Variants in PDE2A observed in about 807,000 individuals in gnomAD.
PDE2A encodes the protein phosphodiesterase 2A, also known as cGMP-dependent 3',5'-cyclic phosphodiesterase.
In PDE2A, 53 loss-of-function variants were observed where a neutral mutation model predicts 133.6. The ratio of observed to expected loss-of-function variants is 0.40; its 90% CI spans 0.32 to 0.50. PDE2A has a LOEUF of 0.50. Ranked by LOEUF, PDE2A falls within the 20% of genes least tolerant of loss-of-function variation. The pLI is 0.73. For synonymous variants in PDE2A, 491 were observed against 490.2 expected (o/e 1.00, Z -0.02); for missense variants, 796 against 1,232.4 (o/e 0.65, Z 5.30).
chr11:72,612,540 C>G (rs1253053606), intron 2 of PDE2A, among the ~76,000 whole-genome samples: 3 of 152,138 alleles, frequency 2.0e-5, no homozygotes, highest in African/African-American at 7.2e-5. Flanking sequence ...CTCTTCTGAG[C>G]CTCAGTTTTG....
intron 2 of PDE2A, among the ~76,000 whole-genome samples, chr11:72,634,271 G>A (rs1376981781): frequency 2.0e-5 from 3 of 152,152 alleles, no homozygotes; most frequent in African/African-American, 7.2e-5. Context: ...ATGGAGCCTT[G>A]TGGAGGACTG....
Position 72,578,132 on chromosome 11 carries a change from C to G in PDE2A, c.2615+101G>C, listed in dbSNP as rs379276. ...GAGGCAAGGGGATGAATCAGTTGGA[C>G]CTGGGCCAGGCCAATCTCAGCACCT... is the stretch of plus-strand genomic sequence containing the variant. On this transcript the variant is annotated intron_variant, in intron 30 of 30. Transcript: ENST00000334456. The surrounding 1 kb of genome is among the most constrained non-coding windows in gnomAD (Gnocchi z 4.2). 0.99 allele frequency: 777,077 copies of G among 781,844 alleles called. 386,286 individuals are homozygous for G. Among genetic ancestry groups the G allele is most frequent in the East Asian group, 1 (41,119 of 41,120 alleles). 48.4% of individuals were successfully genotyped at this position (781,844 alleles called of 1,614,324 possible).
At position 72,577,484 on chromosome 11, in the gene PDE2A, C is replaced by G; in HGVS notation, c.2726G>C (p.Ser909Thr). The G allele has an allele frequency of 6.2e-7, 1 of 1,613,926 alleles. No homozygotes were observed. Among genetic ancestry groups the G allele is most frequent in the Non-Finnish European group, 8.5e-7 (1 of 1,180,010 alleles). The change falls in exon 31 of 31, where the codon AGT (serine) becomes ACT (threonine). Residue 909 changes from serine (S) to threonine (T), a missense_variant. Transcript: ENST00000334456. ...ATCCAGGAAGTCCAGCGAGTTGTTA[C>G]TTGGGAGGCCGCGGATGGTGAACTT... ...SHKFTIRGLP[S>T]NNSLDFLDEE... is the part of the protein sequence containing the mutation.
chr11:72,589,707 A>G (rs1478134413), intron 11 of PDE2A, 44 bp downstream of exon 11: 1 of 1,590,272 alleles, frequency 6.3e-7, no homozygotes, highest in Admixed American at 1.7e-5. Context: ...CCCGGCCTCA[A>G]CCGCCCCTGC....
chr11:72,669,289 G>A (rs1320697173), intron 1 of PDE2A, among the ~76,000 whole-genome samples: 1 of 152,220 alleles, frequency 6.6e-6, no homozygotes, highest in Non-Finnish European at 1.5e-5. Flanking sequence ...CAGAAATCCA[G>A]GGTCCACACA....
intron 2 of PDE2A, among the ~76,000 whole-genome samples, chr11:72,616,459 G>A (rs1186173881): frequency 6.6e-6 from 1 of 152,214 alleles, no homozygotes; most frequent in Non-Finnish European, 1.5e-5. Flanking sequence ...GCATTACCCA[G>A]CCCCTCATAG....
At chr11:72,668,709 C>T (rs1855308019) in intron 1 of PDE2A, among the ~76,000 whole-genome samples, 1 of 152,252 alleles carries the variant, frequency 6.6e-6, no homozygotes, top group Non-Finnish European at 1.5e-5. Context: ...ATGGGTGTGG[C>T]CACAGACTTA....
intron 1 of PDE2A, among the ~76,000 whole-genome samples, chr11:72,650,008 C>T (rs1405025813): frequency 1.3e-5 from 2 of 149,980 alleles, no homozygotes; most frequent in East Asian, 1.9e-4. Context: ...AGTGCAGAGA[C>T]AGCCCTGAGA....
intron 16 of PDE2A, 106 bp from the exon 17 acceptor site, chr11:72,585,050 C>T (rs1384838302): frequency 1.8e-6 from 2 of 1,091,572 alleles, no homozygotes; most frequent in Non-Finnish European, 2.8e-6. Context: ...GGGAGGAGTG[C>T]TCCAAGGTAA....
intron 1 of PDE2A, among the ~76,000 whole-genome samples, chr11:72,649,967 G>GC (rs1854680289): frequency 6.6e-6 from 1 of 151,076 alleles, no homozygotes. Flanking sequence ...GACTCCCCCA[G>GC]CCCCAACCGC....
Position 72,577,667 on chromosome 11 carries a change from C to A in PDE2A, c.2616-73G>T, listed in dbSNP as rs1855528755. ...TGGGCAGCAAGAAAGACTAGGGCTA[C>A]ACAACAAATAGAACTTCCACAAGGG... On this transcript the variant is annotated intron_variant, in intron 30 of 30. Transcript: ENST00000334456. 1.4e-5 allele frequency: 15 copies of A among 1,101,974 alleles called. No individual in the cohort carries two copies. The South Asian group carries it at 1.6e-4, about 12-fold the overall frequency. The allele number at this position is 1,101,974 out of a possible 1,614,324, so 68.3% of individuals were successfully genotyped here.
intron 22 of PDE2A, 129 bp downstream of exon 22, chr11:72,581,748 C>T (rs1287597601): frequency 1.9e-5 from 18 of 926,796 alleles, no homozygotes; most frequent in Non-Finnish European, 2.2e-5. Context: ...ATGGATCCTC[C>T]CCACCCCCAT....
chr11:72,595,309 C>T (rs1336335190), intron 6 of PDE2A, among the ~76,000 whole-genome samples: 1 of 152,216 alleles, frequency 6.6e-6, no homozygotes, highest in African/African-American at 2.4e-5. Context: ...CAGCCCCTCA[C>T]CTCAGTGCCC....
intron 4 of PDE2A, among the ~76,000 whole-genome samples, chr11:72,604,512 AT>A (rs1335165651): frequency 1.3e-5 from 2 of 152,356 alleles, no homozygotes; most frequent in South Asian, 2.1e-4. Context: ...ATCAGGCCTG[AT>A]TTAAATGCTT....
intron 6 of PDE2A, among the ~76,000 whole-genome samples, chr11:72,595,707 G>A (rs368472161): frequency 6.6e-6 from 1 of 152,106 alleles, no homozygotes; most frequent in African/African-American, 2.4e-5. Context: ...TGGAATGGCA[G>A]CCCCCTCGAC....
At chr11:72,647,944 C>T (rs1458911241) in intron 1 of PDE2A, among the ~76,000 whole-genome samples, 1 of 152,126 alleles carries the variant, frequency 6.6e-6, no homozygotes, top group Admixed American at 6.5e-5. Context: ...TAGGGGTTGG[C>T]ACGGGTGTGT....
At chr11:72,577,721 C>A (rs937421786) in intron 30 of PDE2A, 127 bp from the exon 31 acceptor site, 10 of 687,596 alleles carry the variant, frequency 1.5e-5, no homozygotes, top group Non-Finnish European at 2.5e-5. Flanking sequence ...GCCTGTAATC[C>A]CAACACTCAG....
intron 6 of PDE2A, among the ~76,000 whole-genome samples, chr11:72,591,803 C>T (rs1258600293): frequency 1.3e-5 from 2 of 152,310 alleles, no homozygotes; most frequent in South Asian, 2.1e-4. Context: ...CAGTATGATG[C>T]ACCTGCCATG....
At chr11:72,642,368 C>T in intron 1 of PDE2A, 42 bp from the exon 2 acceptor site, 1 of 1,372,400 alleles carries the variant, frequency 7.3e-7, no homozygotes, top group Non-Finnish European at 9.5e-7. Context: ...GGTGCAGCAC[C>T]AGGACCATGC....
Sources: gnomAD v4.1 joint callset for allele counts (sites outside exome capture counted in the v4.1 genomes callset) on GRCh38, gnomAD v4.1.1 for gene constraint, Gnocchi (gnomAD v3.1) non-coding constraint, MANE v1.5 for transcripts, NCBI Gene and HGNC (gene_info 2026-07-23, HGNC 2026-07-21) for gene names.